Variants in TRPM3 observed in about 807,000 individuals in gnomAD.
The protein encoded by TRPM3 is long transient receptor potential channel 3.
In TRPM3, 77 loss-of-function variants were observed where a neutral mutation model predicts 181.2. That is an observed-to-expected ratio of 0.42 (90% CI 0.35 to 0.51). The LOEUF is 0.51. Among genes scored for constraint, TRPM3 ranks in the 20% least tolerant of loss-of-function variants. The pLI, the probability that TRPM3 is intolerant of heterozygous loss-of-function variation, is 0.01. For missense variants in TRPM3, 1,759 were observed against 2,196.7 expected (o/e 0.80, Z 3.98); for synonymous variants, 745 against 796.4 (o/e 0.94, Z 1.09).
intron 8 of TRPM3, 134 bp from the exon 9 acceptor site, chr9:70,681,712 T>C (rs1171144400): frequency 1.3e-6 from 1 of 746,892 alleles, no homozygotes; most frequent in Non-Finnish European, 2.3e-6. Flanking sequence ...TAAGCACACA[T>C]AACAAGAATC....
At chr9:70,591,260 G>A (rs572692430) in intron 21 of TRPM3, 55 bp from the exon 22 acceptor site, 75 of 1,487,484 alleles carry the variant, frequency 5.0e-5, no homozygotes, top group Non-Finnish European at 6.8e-5. Flanking sequence ...ATGATTGAGT[G>A]TTCTTATAAT....
Position 71,049,680 on chromosome 9 carries a change from C to T in TRPM3, c.177+71498G>A, listed in dbSNP as rs191561283. 8.5e-5 allele frequency among the ~76,000 whole-genome samples: 13 copies of T among 152,250 alleles called. No homozygotes were observed. In the East Asian group the frequency reaches 2.5e-3, roughly 30 times the overall value. On this transcript the variant is annotated intron_variant, in intron 1 of 25. Coordinates refer to ENST00000677713, the MANE Select transcript of TRPM3 (RefSeq NM_001366145.2). ...GCAATTGACACTTGGCCATTTCTAC[C>T]TTGCCTGGTCATTGTGGGTAGTTTG... is the stretch of plus-strand genomic sequence containing the variant.
At chr9:70,748,457 A>G (rs1419241904) in intron 8 of TRPM3, among the ~76,000 whole-genome samples, 3 of 152,104 alleles carry the variant, frequency 2.0e-5, no homozygotes, top group African/African-American at 2.4e-5. Context: ...CTCCATGTCA[A>G]CTGGTGGATA....
intron 8 of TRPM3, among the ~76,000 whole-genome samples, chr9:70,742,235 CA>C (rs1274855633): frequency 6.6e-6 from 1 of 151,716 alleles, no homozygotes; most frequent in Non-Finnish European, 1.5e-5. Flanking sequence ...GAAAATGCAC[CA>C]AAGTTATAAT....
chr9:71,292,351 G>A (rs989240477), intron 1 of TRPM3, among the ~76,000 whole-genome samples: 2 of 151,808 alleles, frequency 1.3e-5, no homozygotes, highest in Non-Finnish European at 2.9e-5. Flanking sequence ...ATAGAAAACA[G>A]AAAAGAAGAT....
At chr9:70,823,359 A>T (rs1288018060) in intron 6 of TRPM3, among the ~76,000 whole-genome samples, 1 of 151,110 alleles carries the variant, frequency 6.6e-6, no homozygotes, top group Admixed American at 6.6e-5. Flanking sequence ...AATGTCCCAG[A>T]TCCAGTCTTG....
At position 70,640,518 on chromosome 9, in the gene TRPM3, C is replaced by T. The variant is rs1022794892; in HGVS notation, c.1446+42G>A. 3.2e-6 allele frequency: 5 copies of T among 1,565,390 alleles called. No homozygotes were observed. The African/African-American group carries it at 6.8e-5, about 21-fold the overall frequency. On this transcript the variant is annotated intron_variant, in intron 10 of 25. Coordinates refer to ENST00000677713, the MANE Select transcript of TRPM3 (RefSeq NM_001366145.2). ...GGCTCCTTAAACAAATACCCTTGGC[C>T]AACCAAAGTGGGCTTTTCATGGGAG... is the stretch of plus-strand genomic sequence containing the variant.
chr9:71,155,493 T>TTTATTTTATTTTATTTTATC (rs2075952683), intron 1 of TRPM3, among the ~76,000 whole-genome samples: 1 of 133,804 alleles, frequency 7.5e-6, no homozygotes, highest in Non-Finnish European at 1.7e-5. Context: ...TTTATTTTAT[T>TTTATTTTATTTTATTTTATC]TTATTTTATT....
intron 1 of TRPM3, among the ~76,000 whole-genome samples, chr9:71,398,011 C>A (rs931997968): frequency 6.6e-6 from 1 of 152,182 alleles, no homozygotes; most frequent in Non-Finnish European, 1.5e-5. Flanking sequence ...CCAGTTTAGA[C>A]CGTGCCATTT....
At chr9:70,991,036 G>C (rs1214373876) in intron 1 of TRPM3, among the ~76,000 whole-genome samples, 1 of 152,166 alleles carries the variant, frequency 6.6e-6, no homozygotes, top group Non-Finnish European at 1.5e-5. Context: ...GAACTGCTCA[G>C]TTGTAGGCTT....
At chr9:71,292,837 T>C (rs2085930003) in intron 1 of TRPM3, among the ~76,000 whole-genome samples, 1 of 151,692 alleles carries the variant, frequency 6.6e-6, no homozygotes, top group African/African-American at 2.4e-5. Context: ...ACACCAGAAA[T>C]GAAAAATAAC....
intron 1 of TRPM3, among the ~76,000 whole-genome samples, chr9:71,107,015 G>A (rs375342158): frequency 2.0e-5 from 3 of 152,158 alleles, no homozygotes; most frequent in African/African-American, 4.8e-5. Context: ...CAATGGTGCT[G>A]TCTATGGAGC....
chr9:70,970,511 A>T (rs937902236), intron 1 of TRPM3, among the ~76,000 whole-genome samples: 5 of 151,816 alleles, frequency 3.3e-5, no homozygotes, highest in African/African-American at 1.2e-4. Context: ...GGGAGTAGCT[A>T]TTTTCCTAAT....
chr9:70,854,084 T>C (rs571452684), intron 3 of TRPM3, among the ~76,000 whole-genome samples: 2 of 152,326 alleles, frequency 1.3e-5, no homozygotes, highest in South Asian at 2.1e-4. Flanking sequence ...CCCAGAGCAA[T>C]TAATCAATTC....
chr9:71,063,632 A>G (rs2133387572), intron 1 of TRPM3, among the ~76,000 whole-genome samples: 1 of 152,240 alleles, frequency 6.6e-6, no homozygotes. Context: ...AATAATGAGC[A>G]TAAATGCACA....
chr9:70,869,701 A>T (rs1368103755), intron 1 of TRPM3, among the ~76,000 whole-genome samples: 1 of 151,912 alleles, frequency 6.6e-6, no homozygotes, highest in Admixed American at 6.6e-5. Context: ...CTGCCCCTCT[A>T]GCAATTGCAA....
intron 1 of TRPM3, among the ~76,000 whole-genome samples, chr9:71,089,733 T>C (rs530831659): frequency 6.6e-6 from 1 of 152,162 alleles, no homozygotes; most frequent in African/African-American, 2.4e-5. Context: ...CACCCAGAGA[T>C]AGAAGAAGCT....
intron 1 of TRPM3, among the ~76,000 whole-genome samples, chr9:71,191,746 A>G (rs1208483912): frequency 6.6e-6 from 1 of 151,500 alleles, no homozygotes; most frequent in Non-Finnish European, 1.5e-5. Flanking sequence ...GCAAATTATT[A>G]TAAGTTTAAT....
chr9:70,937,607 T>C (rs186059318), intron 1 of TRPM3, among the ~76,000 whole-genome samples: 10 of 152,302 alleles, frequency 6.6e-5, no homozygotes, highest in Admixed American at 4.6e-4. Context: ...AAATTAAACC[T>C]GTAGGTAAGT....
Sources: allele counts gnomAD v4.1 joint callset (sites outside exome capture counted in the v4.1 genomes callset), GRCh38; gene constraint gnomAD v4.1.1; transcripts MANE v1.5; gene names NCBI Gene and HGNC (gene_info 2026-07-23, HGNC 2026-07-21).